Variants in DLGAP1 observed in about 807,000 individuals in gnomAD.
DLGAP1 encodes disks large-associated protein 1.
DLGAP1 carries 11 observed loss-of-function variants against 90.8 expected under a neutral mutation model. The observed-to-expected ratio is 0.12, with a 90% CI of 0.08 to 0.20. DLGAP1 has a LOEUF of 0.20. Among genes scored for constraint, DLGAP1 ranks in the 10% least tolerant of loss-of-function variants. The pLI is 1.00. For missense variants in DLGAP1, 1,050 were observed against 1,333.8 expected, an observed-to-expected ratio of 0.79 and a Z score of 3.31; for synonymous variants, 558 against 540.7, an observed-to-expected ratio of 1.03 and a Z score of -0.44.
At chr18:3,884,854 G>A (rs1421530905) in intron 3 of DLGAP1, among the ~76,000 whole-genome samples, 1 of 152,076 alleles carries the variant, frequency 6.6e-6, no homozygotes, top group African/African-American at 2.4e-5. Flanking sequence ...TTTTCTCTAT[G>A]ATGTGGGAAA....
intron 7 of DLGAP1, among the ~76,000 whole-genome samples, chr18:3,628,035 C>T (rs1029025850): frequency 2.0e-5 from 3 of 151,650 alleles, no homozygotes; most frequent in Non-Finnish European, 4.4e-5. Context: ...CGCACCACAC[C>T]TGGCTAATTT....
chr18:4,295,048 C>T (rs1457890094), intron 1 of DLGAP1: 1 of 152,226 alleles, frequency 6.6e-6, no homozygotes, highest in Non-Finnish European at 1.5e-5. Context: ...TATACGGGTA[C>T]AGGACAGGGT....
chr18:3,874,285 C>T (rs559843505), intron 4 of DLGAP1: 4 of 1,548,458 alleles, frequency 2.6e-6, no homozygotes, highest in Non-Finnish European at 3.5e-6. Context: ...CTGTCTTGCT[C>T]TCTCTCTCGC....
At chr18:3,702,281 G>A (rs1366897787) in intron 7 of DLGAP1, among the ~76,000 whole-genome samples, 1 of 152,172 alleles carries the variant, frequency 6.6e-6, no homozygotes, top group Non-Finnish European at 1.5e-5. Context: ...CGCCCACCTC[G>A]GCTTCCCAAA....
At chr18:4,024,198 GCTCTTTT>G (rs1176992289) in intron 2 of DLGAP1, among the ~76,000 whole-genome samples, 1 of 152,126 alleles carries the variant, frequency 6.6e-6, no homozygotes, top group Non-Finnish European at 1.5e-5. Flanking sequence ...TAATTGTTCA[GCTCTTTT>G]CTTAAATCAT....
chr18:3,866,922 A>G (rs903378364), intron 4 of DLGAP1, among the ~76,000 whole-genome samples: 1 of 152,128 alleles, frequency 6.6e-6, no homozygotes, highest in Non-Finnish European at 1.5e-5. Context: ...GCTACCTTGG[A>G]TCACTGTAAC....
intron 7 of DLGAP1, among the ~76,000 whole-genome samples, chr18:3,644,951 A>C (rs1567889732): frequency 6.6e-6 from 1 of 152,224 alleles, no homozygotes; most frequent in South Asian, 2.1e-4. Flanking sequence ...CTTTGGGTAA[A>C]AAAGGGGAAA....
At chr18:3,630,791 T>C (rs1317147559) in intron 7 of DLGAP1, among the ~76,000 whole-genome samples, 1 of 152,108 alleles carries the variant, frequency 6.6e-6, no homozygotes, top group Non-Finnish European at 1.5e-5. Context: ...TGATGCTCAA[T>C]AGGGCAAATC....
intron 9 of DLGAP1, among the ~76,000 whole-genome samples, chr18:3,552,920 C>T (rs1459175094): frequency 6.6e-6 from 1 of 151,914 alleles, no homozygotes; most frequent in African/African-American, 2.4e-5. Context: ...TCTGCCAAAT[C>T]GGTTGTCACT....
intron 5 of DLGAP1, among the ~76,000 whole-genome samples, chr18:3,801,039 G>A (rs917758723): frequency 1.3e-5 from 2 of 152,124 alleles, no homozygotes; most frequent in African/African-American, 4.8e-5. Context: ...AGATGACAGG[G>A]TGTCAGCATG....
At chr18:4,317,993 G>C (rs572328447) in intron 1 of DLGAP1, among the ~76,000 whole-genome samples, 42 of 152,168 alleles carry the variant, frequency 2.8e-4, no homozygotes, top group African/African-American at 9.6e-4. Context: ...GATTACAGGC[G>C]CGTACCATCA....
chr18:3,684,973 G>A (rs1598344046), intron 7 of DLGAP1, among the ~76,000 whole-genome samples: 1 of 152,106 alleles, frequency 6.6e-6, no homozygotes, highest in Middle Eastern at 3.2e-3. Context: ...CCTGTATTGG[G>A]TATTCCTTTT....
At chr18:4,109,808 T>G (rs2075939849) in intron 2 of DLGAP1, among the ~76,000 whole-genome samples, 1 of 152,188 alleles carries the variant, frequency 6.6e-6, no homozygotes, top group South Asian at 2.1e-4. Context: ...TCATTCTTCT[T>G]TACGTCTTTC....
At chr18:4,292,938 C>T (rs376173294) in intron 1 of DLGAP1, among the ~76,000 whole-genome samples, 49 of 152,288 alleles carry the variant, frequency 3.2e-4, no homozygotes, top group African/African-American at 1.2e-3. Context: ...AGAGAAGATC[C>T]ATTATAGTTC....
chr18:3,776,633 G>C (rs2064952813), intron 5 of DLGAP1, among the ~76,000 whole-genome samples: 1 of 152,120 alleles, frequency 6.6e-6, no homozygotes, highest in Non-Finnish European at 1.5e-5. Context: ...CCCTGCGCCA[G>C]TGCCAGCACA....
chr18:3,794,530 A>G (rs576195354), intron 5 of DLGAP1, among the ~76,000 whole-genome samples: 2 of 152,250 alleles, frequency 1.3e-5, no homozygotes, highest in Middle Eastern at 3.2e-3. Context: ...GCTGTCAGTC[A>G]GCACTGACCA....
chr18:3,726,589 G>GT (rs1343653535), intron 7 of DLGAP1, among the ~76,000 whole-genome samples: 1 of 152,136 alleles, frequency 6.6e-6, no homozygotes, highest in East Asian at 1.9e-4. Flanking sequence ...ACTGTGAAAG[G>GT]TAATATTGGA....
At chr18:3,734,290 T>C (rs1363269934) in intron 6 of DLGAP1, among the ~76,000 whole-genome samples, 1 of 152,124 alleles carries the variant, frequency 6.6e-6, no homozygotes, top group Non-Finnish European at 1.5e-5. Context: ...TCTAGCTCTG[T>C]TGCCCAGGCT....
chr18:4,117,692 G>T (rs968973084), intron 2 of DLGAP1, among the ~76,000 whole-genome samples: 7 of 152,104 alleles, frequency 4.6e-5, no homozygotes, highest in Admixed American at 4.6e-4. Flanking sequence ...ATTTTGTGAC[G>T]GACTACTAGC....
Sources: allele counts gnomAD v4.1 joint callset (sites outside exome capture counted in the v4.1 genomes callset), GRCh38; gene constraint gnomAD v4.1.1; transcripts MANE v1.5; gene names NCBI Gene and HGNC (gene_info 2026-07-23, HGNC 2026-07-21).